The following SLC16A5 variants were observed in gnomAD, a reference collection of about 807,000 sequenced individuals.
SLC16A5 encodes solute carrier family 16 member 5, also known as monocarboxylate transporter 6.
SLC16A5 carries 29 observed loss-of-function variants against 33.2 expected under a neutral mutation model. The ratio of observed to expected loss-of-function variants is 0.87; its 90% CI spans 0.65 to 1.19. SLC16A5 has a LOEUF of 1.19. SLC16A5 is among the 50% of genes most tolerant of loss of function. SLC16A5 has a pLI of 0.00. For missense variants in SLC16A5, 606 were observed against 678.2 expected (o/e 0.89, Z 1.18); for synonymous variants, 248 against 284.1 (o/e 0.87, Z 1.28).
rs1371662381 is a variant in SLC16A5, at chr17:75,100,272, T to A, written c.609T>A (p.Cys203Ter). Reference protein sequence around the residue: ...ATSVAPETKECPPPPPETPAL... With the variant: ...ATSVAPETKE The stretch of plus-strand genomic sequence containing the variant: ...GTGTGGCCCCTGAGACCAAAGAATG[T>A]CCCCCGCCACCTCCCGAGACACCTG... Residue 203 changes from cysteine to a stop codon, truncating the protein, a stop_gained, in exon 5 of 7, where the codon TGT becomes TGA. Transcript: ENST00000329783. LOFTEE classifies it high-confidence loss of function. 1 of 1,614,124 alleles carries A rather than the reference T, an allele frequency of 6.2e-7. No homozygotes were observed. Among genetic ancestry groups the A allele is most frequent in the Non-Finnish European group, 8.5e-7 (1 of 1,180,018 alleles).
intron 5 of SLC16A5, among the ~76,000 whole-genome samples, chr17:75,101,089 A>C (rs938412987): frequency 6.6e-6 from 1 of 151,366 alleles, no homozygotes; most frequent in Admixed American, 6.6e-5. Context: ...TCTACTAAAA[A>C]TACAAAAAAA....
chr17:75,100,440 G>C lies in SLC16A5; in HGVS notation c.777G>C (p.Leu259=). 10 of 1,614,230 alleles carry C rather than the reference G, an allele frequency of 6.2e-6. No individual in the cohort carries two copies. The highest frequency in any genetic ancestry group is 8.5e-6 in the Non-Finnish European group (10 of 1,180,042). ...VLGFPLPQVF[L]VPYAMWHSVD... ...GCTTCCCACTGCCACAAGTCTTCCTGGTGCCATATGCCATGTGGCACAGCG... is the reference window on the plus strand; with the variant it reads ...GCTTCCCACTGCCACAAGTCTTCCTCGTGCCATATGCCATGTGGCACAGCG... The change falls in exon 5 of 7, where the codon CTG becomes CTC. Residue 259 remains leucine (L), a synonymous_variant. Transcript: ENST00000329783.
chr17:75,097,602 T>C (rs546615443), intron 3 of SLC16A5, among the ~76,000 whole-genome samples: 1 of 152,024 alleles, frequency 6.6e-6, no homozygotes, highest in East Asian at 1.9e-4. Flanking sequence ...ATGGGGCAGG[T>C]AAAACAGGAT....
At chr17:75,104,615 C>T (rs1341733631) in intron 6 of SLC16A5, 2 of 564,874 alleles carry the variant, frequency 3.5e-6, no homozygotes, top group African/African-American at 4.1e-5. Context: ...CCACTCCCGG[C>T]TAATTTTGTC....
chr17:75,103,828 G>A (rs761464671), intron 5 of SLC16A5, 142 bp from the exon 6 acceptor site: 17 of 698,664 alleles, frequency 2.4e-5, no homozygotes, highest in African/African-American at 3.6e-5. Context: ...CATTCTTCAA[G>A]TATCTGTTGA....
chr17:75,104,275 G>A, intron 6 of SLC16A5, 95 bp downstream of exon 6: 1 of 1,535,172 alleles, frequency 6.5e-7, no homozygotes, highest in Non-Finnish European at 8.8e-7. Flanking sequence ...CCCAGCCCAG[G>A]AGGGGGACCT....
intron 5 of SLC16A5, 75 bp downstream of exon 5, chr17:75,100,891 C>T: frequency 7.5e-7 from 1 of 1,336,118 alleles, no homozygotes; most frequent in African/African-American, 1.5e-5. Flanking sequence ...GGGCCCAGTC[C>T]AGCATCTCCA....
At chr17:75,106,548 T>C (rs1056367946), downstream of SLC16A5, among the ~76,000 whole-genome samples, 3 of 146,748 alleles carry the variant, frequency 2.0e-5, no homozygotes, top group African/African-American at 7.6e-5. Context: ...AACCTGGGAG[T>C]TTGAGGCCAG....
chr17:75,099,700 A>G (rs368210150), intron 4 of SLC16A5, among the ~76,000 whole-genome samples: 18 of 152,316 alleles, frequency 1.2e-4, no homozygotes, highest in East Asian at 9.7e-4. Flanking sequence ...TGGCCTCCCA[A>G]AGTGCTGGGA....
chr17:75,093,304 A>G (rs759400015), intron 2 of SLC16A5: 292 of 1,014,036 alleles, frequency 2.9e-4, no homozygotes, highest in Non-Finnish European at 4.0e-4. Context: ...ATTGTACCCC[A>G]TTGCCTGGTG....
chr17:75,105,578 GC>G (rs2073852797), intron 6 of SLC16A5: 1 of 985,386 alleles, frequency 1.0e-6, no homozygotes, highest in African/African-American at 1.7e-5. Flanking sequence ...TCTTGCTGGT[GC>G]CTTTCCCTGA....
intron 6 of SLC16A5, chr17:75,104,574 C>G (rs1188000855): frequency 6.2e-6 from 4 of 646,316 alleles, no homozygotes; most frequent in African/African-American, 2.0e-5. Flanking sequence ...GCCTCTGCCC[C>G]CCAAGTAGCT....
intron 4 of SLC16A5, among the ~76,000 whole-genome samples, chr17:75,099,590 C>T (rs983142000): frequency 2.6e-5 from 4 of 152,068 alleles, no homozygotes; most frequent in African/African-American, 4.8e-5. Flanking sequence ...AGACTACAGG[C>T]GCCTGCCACT....
At chr17:75,108,079 C>A (rs951617756), downstream of SLC16A5, among the ~76,000 whole-genome samples, 2 of 151,928 alleles carry the variant, frequency 1.3e-5, no homozygotes, top group Admixed American at 6.6e-5. Context: ...TCCAGCCTGG[C>A]GACAGAGCGA....
chr17:75,088,930 G>C (rs1037879637), intron 1 of SLC16A5: 17 of 152,226 alleles, frequency 1.1e-4, no homozygotes, highest in African/African-American at 4.1e-4. Context: ...AGAAAGACCA[G>C]AAGTATCGTC....
downstream of SLC16A5, among the ~76,000 whole-genome samples, chr17:75,108,825 TTTTGTGCAAGGTTGTGACGCCC>T (rs1376982573): frequency 5.9e-5 from 9 of 151,602 alleles, no homozygotes; most frequent in Non-Finnish European, 1.5e-5. Flanking sequence ...CAAAAGTATG[TTTTGTGCAAGGTTGTGACGCCC>T]TTTGTGCAAG....
chr17:75,106,369 TG>T (rs2073862934), downstream of SLC16A5, among the ~76,000 whole-genome samples: 1 of 151,632 alleles, frequency 6.6e-6, no homozygotes, highest in Non-Finnish European at 1.5e-5. Context: ...AGGAGGGAGG[TG>T]GGGCTGGTAG....
intron 4 of SLC16A5, among the ~76,000 whole-genome samples, 165 bp downstream of exon 4, chr17:75,098,346 T>C (rs2073747552): frequency 6.6e-6 from 1 of 150,968 alleles, no homozygotes; most frequent in African/African-American, 2.4e-5. Context: ...GCAGATCACC[T>C]GAGGTCAGGG....
chr17:75,097,265 T>C (rs2073732416), intron 3 of SLC16A5, among the ~76,000 whole-genome samples: 1 of 152,026 alleles, frequency 6.6e-6, no homozygotes, highest in Non-Finnish European at 1.5e-5. Flanking sequence ...AAGCTCCACA[T>C]GTGCTTGGGT....
Sources: allele counts gnomAD v4.1 joint callset (sites outside exome capture counted in the v4.1 genomes callset), GRCh38; gene constraint gnomAD v4.1.1; transcripts MANE v1.5; gene names NCBI Gene and HGNC (gene_info 2026-07-23, HGNC 2026-07-21).